PDZD2: variants seen among roughly 807,000 people sequenced by gnomAD.
The protein encoded by PDZD2 is PDZ domain-containing protein 2.
PDZD2 carries 90 observed loss-of-function variants against 220.7 expected under a neutral mutation model. The observed-to-expected ratio is 0.41, with a 90% CI of 0.34 to 0.49. The LOEUF (loss-of-function observed/expected upper bound fraction) is 0.49, where lower values mean the gene tolerates loss of function less well. PDZD2 is among the 20% of genes least tolerant of loss of function. The probability of loss-of-function intolerance (pLI) is 0.28; values close to 1 mark genes in which losing one functional copy is unlikely to be tolerated. For synonymous variants in PDZD2, 1,375 were observed against 1,450.5 expected (o/e 0.95, Z 1.18); for missense variants, 3,174 against 3,608.5 (o/e 0.88, Z 3.08).
intron 10 of PDZD2, among the ~76,000 whole-genome samples, chr5:32,056,662 G>A (rs1471427961): frequency 6.6e-6 from 1 of 152,168 alleles, no homozygotes; most frequent in Admixed American, 6.5e-5. Context: ...TAGGAGAGCT[G>A]GGGCAGGGGG....
rs1298925753 is a variant in PDZD2 at position 32,087,904 on chromosome 5, G to T, written c.4456G>T (p.Ala1486Ser). ...GGGCCAGACCTCCTCCCCGAGGAGG[G>T]CCTGGGCTGCTGGTGCCCCCGCCTA... Reference protein sequence around the residue: ...PGGQTSSPRRAWAAGAPAYPQ... With the variant: ...PGGQTSSPRRSWAAGAPAYPQ... The change falls in exon 20 of 25, where the codon GCC (alanine) becomes TCC (serine). Residue 1486 changes from alanine to serine, a missense_variant. By Grantham distance (99) the Ala-to-Ser change is moderately conservative. This residue lies in a region of PDZD2 where 1,861 missense variants were observed against 2,001.0 expected (regional missense o/e 0.93). Coordinates refer to ENST00000438447, the MANE Select transcript of PDZD2 (RefSeq NM_178140.4). This position sits in a 1 kb window ranked among gnomAD's most constrained non-coding sequence, Gnocchi z 4.0. The T allele has an allele frequency of 6.2e-7, 1 of 1,613,480 alleles. No individual in the cohort carries two copies. The highest frequency in any genetic ancestry group is 1.7e-5 in the Admixed American group (1 of 59,982).
intron 5 of PDZD2, among the ~76,000 whole-genome samples, chr5:32,003,369 CACACCACACA>C (rs1355103086): frequency 8.9e-5 from 7 of 78,302 alleles, no homozygotes; most frequent in Non-Finnish European, 1.0e-4. Flanking sequence ...ACACCACACA[CACACCACACA>C]CACACCCACA....
chr5:31,838,064 A>G (rs533143388), intron 2 of PDZD2, among the ~76,000 whole-genome samples: 2 of 152,246 alleles, frequency 1.3e-5, no homozygotes, highest in South Asian at 4.1e-4. Flanking sequence ...ATTAAAAATT[A>G]TATCCTGTGT....
chr5:31,672,295 C>G (rs1391641309), intron 1 of PDZD2, among the ~76,000 whole-genome samples: 1 of 152,180 alleles, frequency 6.6e-6, no homozygotes, highest in Non-Finnish European at 1.5e-5. Context: ...TTCTGTTGCC[C>G]TCCTCGCCAA....
At chr5:31,756,156 G>A (rs1351762812) in intron 1 of PDZD2, among the ~76,000 whole-genome samples, 3 of 152,186 alleles carry the variant, frequency 2.0e-5, no homozygotes, top group Admixed American at 2.0e-4. Context: ...GGGAAACGCA[G>A]AAGCCCCGGC....
Position 32,074,302 on chromosome 5 carries a change from C to T in PDZD2, c.3196C>T (p.Pro1066Ser), listed in dbSNP as rs779727550. Residue 1066 changes from proline to serine, a missense_variant, in exon 18 of 25, where the codon CCC becomes TCC. Physicochemically the swap from Pro to Ser is moderately conservative, Grantham distance 74. Transcript: ENST00000438447. ...AANLTDSAEA[P>S]KGSPGSWWKK... ...CAACCTCACGGACTCTGCAGAGGCC[C>T]CCAAGGGGAGCCCTGGAAGCTGGTG... The T allele has an allele frequency of 6.2e-7, 1 of 1,614,146 alleles. No homozygotes were observed. The highest frequency in any genetic ancestry group is 8.5e-7 in the Non-Finnish European group (1 of 1,180,028).
intron 1 of PDZD2, among the ~76,000 whole-genome samples, chr5:31,788,999 T>G (rs922903962): frequency 2.0e-5 from 3 of 152,214 alleles, no homozygotes; most frequent in Non-Finnish European, 2.9e-5. Flanking sequence ...GGGTGAAAAG[T>G]GAATGAAAGC....
In PDZD2 at chr5:31,978,694, G is replaced by A. The variant is rs539861655; in HGVS notation, c.477-4461G>A. On this transcript the variant is annotated intron_variant, in intron 2 of 24. Coordinates refer to ENST00000438447, the MANE Select transcript of PDZD2 (RefSeq NM_178140.4). Reference sequence around the variant, plus strand: ...TGCACCGCTGCCCTCTAGCCTGGGCGACAGAGCGAGACTCCATCTCAAAAA... The same window carrying A: ...TGCACCGCTGCCCTCTAGCCTGGGCAACAGAGCGAGACTCCATCTCAAAAA... Among the ~76,000 whole-genome samples the A allele has an allele frequency of 8.8e-4, 114 of 130,022 alleles. 2 individuals are homozygous for A. In the South Asian group the frequency reaches 0.023, roughly 27 times the overall value. 85.3% of individuals were successfully genotyped at this position (130,022 alleles called of 152,430 possible).
chr5:31,782,707 ATTTTTTT>A (rs34166035), intron 1 of PDZD2, among the ~76,000 whole-genome samples: 2 of 96,522 alleles, frequency 2.1e-5, no homozygotes, highest in African/African-American at 4.1e-5. Flanking sequence ...ACCACTTTAG[ATTTTTTT>A]TTTTTTTTTT....
chr5:32,065,225 C>T (rs10076509), intron 14 of PDZD2, among the ~76,000 whole-genome samples: 7,565 of 148,682 alleles, frequency 0.051, 552 homozygotes, highest in African/African-American at 0.16. Flanking sequence ...CTTGTACCTG[C>T]GAGGTGGAGG....
intron 2 of PDZD2, among the ~76,000 whole-genome samples, chr5:31,831,919 A>AG (rs1387631035): frequency 4.0e-5 from 6 of 148,154 alleles, no homozygotes; most frequent in African/African-American, 1.2e-4. Context: ...TTCAAAAAAA[A>AG]AAAAAAAAAA....
chr5:31,816,811 T>A (rs73060329), intron 2 of PDZD2, among the ~76,000 whole-genome samples: 4,408 of 152,284 alleles, frequency 0.029, 233 homozygotes, highest in African/African-American at 0.1. Context: ...GATTAAATCA[T>A]AATCAATGCC....
intron 5 of PDZD2, among the ~76,000 whole-genome samples, chr5:32,009,910 G>C (rs1008064511): frequency 6.6e-6 from 1 of 151,776 alleles, no homozygotes; most frequent in African/African-American, 2.4e-5. Flanking sequence ...TGACCAACAC[G>C]GTGAAACCCC....
At chr5:31,743,395 C>T (rs1203662608) in intron 1 of PDZD2, among the ~76,000 whole-genome samples, 2 of 151,936 alleles carry the variant, frequency 1.3e-5, no homozygotes, top group Admixed American at 6.5e-5. Flanking sequence ...AGGGCTCAAG[C>T]GATCCACCCA....
chr5:32,077,630 A>G (rs1424160531), intron 19 of PDZD2, 24 bp downstream of exon 19: 30 of 1,612,130 alleles, frequency 1.9e-5, no homozygotes, highest in Non-Finnish European at 2.5e-5. Context: ...CCCATTTGTT[A>G]ATCTTAAAGT....
At chr5:31,916,423 C>T (rs929812588) in intron 2 of PDZD2, among the ~76,000 whole-genome samples, 3 of 152,192 alleles carry the variant, frequency 2.0e-5, no homozygotes, top group African/African-American at 4.8e-5. Flanking sequence ...ACTGGGTCCC[C>T]GATTGCCCTT....
At position 31,956,785 on chromosome 5, in the gene PDZD2, A is replaced by AG. The variant is rs1554013975; in HGVS notation, c.477-26367dup. Among the ~76,000 whole-genome samples the AG allele has an allele frequency of 1.9e-3, 268 of 140,368 alleles. 4 individuals are homozygous for AG. Among genetic ancestry groups the AG allele is most frequent in the African/African-American group, 6.7e-3 (250 of 37,274 alleles). 92.1% of individuals were successfully genotyped at this position (140,368 alleles called of 152,430 possible). ...AAAAAAAAAAAAAAAAAAAAAAAAA[A>AG]GGGACAAAGAGGAAACTGATTTCCT... On this transcript the variant is annotated intron_variant, in intron 2 of 24. Transcript: ENST00000438447.
At chr5:31,728,611 T>G (rs1749319183) in intron 1 of PDZD2, among the ~76,000 whole-genome samples, 1 of 152,124 alleles carries the variant, frequency 6.6e-6, no homozygotes, top group Non-Finnish European at 1.5e-5. Flanking sequence ...CCTAGGAAAA[T>G]TCAGAGAGTT....
At chr5:31,724,922 A>G (rs1017987989) in intron 1 of PDZD2, among the ~76,000 whole-genome samples, 40 of 152,220 alleles carry the variant, frequency 2.6e-4, no homozygotes, top group African/African-American at 9.2e-4. Flanking sequence ...ATTATGGTCA[A>G]CTAACATCTT....
Sources: allele counts gnomAD v4.1 joint callset (sites outside exome capture counted in the v4.1 genomes callset), GRCh38; gene constraint gnomAD v4.1.1; regional missense constraint gnomAD v4.1.1; non-coding constraint Gnocchi (gnomAD v3.1); transcripts MANE v1.5; gene names NCBI Gene and HGNC (gene_info 2026-07-23, HGNC 2026-07-21).